The following NDRG1 variants were observed in gnomAD, a reference collection of about 807,000 sequenced individuals.
NDRG1 encodes N-myc downstream regulated 1, also known as protein NDRG1.
A neutral mutation model predicts 56.9 loss-of-function variants in NDRG1; 32 were observed. That is an observed-to-expected ratio of 0.56 (90% CI 0.42 to 0.76). NDRG1 has a LOEUF of 0.76. NDRG1 is among the 30% of genes least tolerant of loss of function. NDRG1 has a pLI of 0.00. For synonymous variants in NDRG1, 211 were observed against 204.1 expected (o/e 1.03, Z -0.29); for missense variants, 507 against 545.7 (o/e 0.93, Z 0.71).
chr8:133,262,227 T>A, intron 4 of NDRG1, 60 bp from the exon 5 acceptor site: 1 of 1,589,592 alleles, frequency 6.3e-7, no homozygotes, highest in Non-Finnish European at 8.6e-7. Context: ...AAATTAGGTG[T>A]CTCGGTGGCA....
chr8:133,264,417 C>A, intron 4 of NDRG1, 130 bp downstream of exon 4: 1 of 820,170 alleles, frequency 1.2e-6, no homozygotes. Context: ...GAGTTCTTCC[C>A]AGAACAGCCC....
chr8:133,259,746 G>A (rs540021390), intron 5 of NDRG1, among the ~76,000 whole-genome samples: 26 of 152,358 alleles, frequency 1.7e-4, no homozygotes, highest in African/African-American at 6.0e-4. Flanking sequence ...GGCTCTTGGT[G>A]AGGCAATGGC....
intron 1 of NDRG1, among the ~76,000 whole-genome samples, chr8:133,286,792 C>T (rs1858139785): frequency 6.6e-6 from 1 of 152,136 alleles, no homozygotes; most frequent in Non-Finnish European, 1.5e-5. Flanking sequence ...TGATTTTGAA[C>T]CATTTAGGAA....
intron 3 of NDRG1, among the ~76,000 whole-genome samples, chr8:133,269,575 T>C (rs145942483): frequency 6.6e-6 from 1 of 152,328 alleles, no homozygotes; most frequent in Admixed American, 6.5e-5. Flanking sequence ...ATTAAGGACT[T>C]CATCCAAGGC....
At chr8:133,263,231 AAAG>A (rs1420382194) in intron 4 of NDRG1, among the ~76,000 whole-genome samples, 1 of 152,228 alleles carries the variant, frequency 6.6e-6, no homozygotes, top group African/African-American at 2.4e-5. Flanking sequence ...AAGTGAGATA[AAAG>A]AAGGTGAGAA....
At chr8:133,259,646 A>G (rs1315939785) in intron 5 of NDRG1, among the ~76,000 whole-genome samples, 1 of 152,196 alleles carries the variant, frequency 6.6e-6, no homozygotes, top group East Asian at 1.9e-4. Flanking sequence ...ACTAGAAGGC[A>G]TTTCACAATT....
intron 7 of NDRG1, among the ~76,000 whole-genome samples, chr8:133,257,300 CACACACACACACACACAG>C (rs1856429905): frequency 6.6e-6 from 1 of 150,606 alleles, no homozygotes; most frequent in Non-Finnish European, 1.5e-5. Flanking sequence ...CACACACACA[CACACACACACACACACAG>C]AGAGAGAGAC....
intron 15 of NDRG1, 163 bp from the exon 16 acceptor site, chr8:133,239,282 C>T (rs947051739): frequency 6.2e-6 from 7 of 1,131,692 alleles, no homozygotes; most frequent in African/African-American, 4.6e-5. Context: ...CATGTCCACT[C>T]GGAGAGAGAG....
chr8:133,266,947 A>G (rs1856950011), intron 3 of NDRG1, among the ~76,000 whole-genome samples: 1 of 152,174 alleles, frequency 6.6e-6, no homozygotes. Context: ...GAACAAGTTC[A>G]AAAATAAAGA....
At chr8:133,250,815 A>G (rs918183549) in intron 9 of NDRG1, among the ~76,000 whole-genome samples, 1 of 151,586 alleles carries the variant, frequency 6.6e-6, no homozygotes, top group African/African-American at 2.4e-5. Flanking sequence ...TGGGAGTTTC[A>G]ATTTGAAGTC....
In NDRG1 at chr8:133,237,288, C is replaced by T. The variant is rs1055953504; in HGVS notation, c.*1590G>A. 6 of 231,250 alleles carry T rather than the reference C, an allele frequency of 2.6e-5. No individual in the cohort carries two copies. The highest frequency in any genetic ancestry group is 5.6e-5 in the Admixed American group (1 of 17,722). 14.3% of individuals were successfully genotyped at this position (231,250 alleles called of 1,614,324 possible). A position where few individuals can be genotyped will look rare whatever the true frequency, so the allele number is the denominator to read the frequency against. On this transcript the variant is annotated 3_prime_UTR_variant, in exon 16 of 16. Transcript: ENST00000323851. ...CATCCGTACTCAGCCTCTCTTGCCC[C>T]GATCCCCGACTTTTCTACTCAAGGC...
intron 1 of NDRG1, among the ~76,000 whole-genome samples, chr8:133,291,658 T>C (rs990548389): frequency 1.8e-4 from 27 of 152,074 alleles, no homozygotes; most frequent in African/African-American, 1.7e-4. Context: ...GCAATCAGAA[T>C]CAAGGAAACA....
At chr8:133,269,381 C>T (rs958460565) in intron 3 of NDRG1, among the ~76,000 whole-genome samples, 5 of 152,220 alleles carry the variant, frequency 3.3e-5, no homozygotes, top group Non-Finnish European at 5.9e-5. Flanking sequence ...ACACTTTCCT[C>T]TCACCTGCTC....
At chr8:133,256,527 A>G (rs1284506869) in intron 8 of NDRG1, among the ~76,000 whole-genome samples, 2 of 152,312 alleles carry the variant, frequency 1.3e-5, no homozygotes, top group East Asian at 1.9e-4. Context: ...AAGCTGCCTC[A>G]GGGACCTGTG....
intron 4 of NDRG1, among the ~76,000 whole-genome samples, chr8:133,262,773 C>T (rs982380138): frequency 3.3e-5 from 5 of 152,136 alleles, no homozygotes; most frequent in Admixed American, 1.3e-4. Flanking sequence ...CTGTTTCTGG[C>T]CGATAGCCTG....
intron 3 of NDRG1, among the ~76,000 whole-genome samples, chr8:133,279,172 G>A (rs1279677435): frequency 6.6e-6 from 1 of 152,196 alleles, no homozygotes; most frequent in African/African-American, 2.4e-5. Flanking sequence ...TTACAGGCAT[G>A]AGCCACTGCA....
At chr8:133,276,783 T>C (rs914115426) in intron 3 of NDRG1, among the ~76,000 whole-genome samples, 1 of 152,246 alleles carries the variant, frequency 6.6e-6, no homozygotes, top group Non-Finnish European at 1.5e-5. Flanking sequence ...GTTTCTGATA[T>C]GTCCTTATAG....
intron 1 of NDRG1, among the ~76,000 whole-genome samples, chr8:133,292,413 C>G (rs1035635883): frequency 1.3e-5 from 2 of 152,118 alleles, no homozygotes; most frequent in African/African-American, 4.8e-5. Context: ...TCCTTTCCAC[C>G]ACCACTAACA....
rs528436514 is a variant in NDRG1, at chr8:133,248,765, G to A, written c.705C>T (p.Arg235=). 2.3e-5 allele frequency: 37 copies of A among 1,614,144 alleles called. No homozygotes were observed. Among genetic ancestry groups the A allele is most frequent in the Admixed American group, 5.0e-5 (3 of 60,022 alleles). ...GCATTGGTCGCTCAATCTCCAGGTCGCGCCGGCTGCAGGAAACAAATGCAT... is the reference window on the plus strand; with the variant it reads ...GCATTGGTCGCTCAATCTCCAGGTCACGCCGGCTGCAGGAAACAAATGCAT... ...HLFINAYNSR[R]DLEIERPMPG... Residue 235 remains arginine, a synonymous_variant, in exon 11 of 16, where the codon CGC becomes CGT. Transcript: ENST00000323851.
Sources: allele counts gnomAD v4.1 joint callset (sites outside exome capture counted in the v4.1 genomes callset), GRCh38; gene constraint gnomAD v4.1.1; transcripts MANE v1.5; gene names NCBI Gene and HGNC (gene_info 2026-07-23, HGNC 2026-07-21).